Variants in FRRS1 observed in about 807,000 individuals in gnomAD.
The protein encoded by FRRS1 is ferric reductase 1.
In FRRS1, 51 loss-of-function variants were observed where a neutral mutation model predicts 70.7. The observed-to-expected ratio is 0.72, with a 90% confidence interval of 0.58 to 0.91. The LOEUF is 0.91. Ranked by LOEUF, FRRS1 falls within the 40% of genes least tolerant of loss-of-function variation. The pLI, the probability that FRRS1 is intolerant of heterozygous loss-of-function variation, is 0.00. For synonymous variants in FRRS1, 225 were observed against 238.7 expected (o/e 0.94, Z 0.53); for missense variants, 672 against 726.0 (o/e 0.93, Z 0.86).
intron 5 of FRRS1, among the ~76,000 whole-genome samples, chr1:99,741,362 T>C (rs956714590): frequency 6.6e-6 from 1 of 152,242 alleles, no homozygotes; most frequent in African/African-American, 2.4e-5. Context: ...CCATCAGCTT[T>C]CACTGGGGTC....
rs745706486 is a variant in FRRS1 at position 99,704,229 on chromosome 1, A to G, written c.*4799T>C. On this transcript the variant is annotated 3_prime_UTR_variant, in exon 17 of 17. Transcript: ENST00000646001. The stretch of plus-strand genomic sequence containing the variant: ...GAAGATAAGTGACTTACCCAAGGAC[A>G]TGCAGCTTGTAAACCAACAAGCAAA... Among the ~76,000 whole-genome samples, 43 of 152,220 alleles carry G rather than the reference A, an allele frequency of 2.8e-4. No individual in the cohort carries two copies. The highest frequency in any genetic ancestry group is 5.6e-4 in the Non-Finnish European group (38 of 68,040).
At chr1:99,732,069 T>C (rs1655417377) in intron 7 of FRRS1, among the ~76,000 whole-genome samples, 1 of 152,216 alleles carries the variant, frequency 6.6e-6, no homozygotes. Context: ...TAATGGTTGA[T>C]TTGAGGCAAA....
intron 15 of FRRS1, among the ~76,000 whole-genome samples, chr1:99,709,517 T>C (rs1654175839): frequency 6.6e-6 from 1 of 152,214 alleles, no homozygotes; most frequent in African/African-American, 2.4e-5. Flanking sequence ...GTCATAACGA[T>C]CTAAGCTCTT....
At chr1:99,713,542 T>C (rs1408467465) in intron 12 of FRRS1, among the ~76,000 whole-genome samples, 1 of 152,200 alleles carries the variant, frequency 6.6e-6, no homozygotes, top group African/African-American at 2.4e-5. Flanking sequence ...GATTCATCAA[T>C]CTTATCCCTG....
At chr1:99,753,489 C>T (rs767274905) in intron 1 of FRRS1, among the ~76,000 whole-genome samples, 2 of 150,396 alleles carry the variant, frequency 1.3e-5, no homozygotes, top group African/African-American at 2.5e-5. Context: ...TATCCCTGGC[C>T]GGGCGCGGTG....
intron 7 of FRRS1, among the ~76,000 whole-genome samples, chr1:99,731,495 A>G (rs994095177): frequency 2.0e-5 from 3 of 152,222 alleles, no homozygotes; most frequent in Admixed American, 6.5e-5. Flanking sequence ...AGAAATTTGG[A>G]GCAATCATGA....
chr1:99,735,574 T>A (rs1655612055), intron 7 of FRRS1, among the ~76,000 whole-genome samples: 1 of 152,192 alleles, frequency 6.6e-6, no homozygotes. Context: ...TGAGGATGAT[T>A]CATTTCCCCC....
chr1:99,726,902 G>T (rs9988655), intron 9 of FRRS1, among the ~76,000 whole-genome samples: 110 of 152,000 alleles, frequency 7.2e-4, no homozygotes, highest in African/African-American at 2.5e-3. Context: ...TGTTTTTTTT[G>T]AATAGAGACT....
chr1:99,744,660 C>T (rs1656153068), intron 4 of FRRS1, among the ~76,000 whole-genome samples: 1 of 151,974 alleles, frequency 6.6e-6, no homozygotes, highest in Non-Finnish European at 1.5e-5. Context: ...GTGGCACATG[C>T]CTGTAATCCC....
chr1:99,753,083 C>T (rs944543352), intron 1 of FRRS1, among the ~76,000 whole-genome samples: 7 of 150,906 alleles, frequency 4.6e-5, no homozygotes, highest in African/African-American at 1.7e-4. Flanking sequence ...TGTGGTGGCA[C>T]GTGCCTATGA....
Position 99,709,095 on chromosome 1 carries a change from A to G in FRRS1, c.1712T>C (p.Leu571Ser). ...AACATTCCCACAGACATAAATTGCC[A>G]ACACTGCCTTTTTAAAAGCATGACC... is the stretch of plus-strand genomic sequence containing the variant. ...TEGHAFKKAV[L>S]AIYVCGNVTF... Residue 571 changes from leucine (L) to serine (S), a missense_variant, in exon 17 of 17, where the codon TTG (leucine) becomes TCG (serine). Transcript: ENST00000646001. 1 of 1,613,656 alleles carries G rather than the reference A, an allele frequency of 6.2e-7. No homozygotes were observed. Among genetic ancestry groups the G allele is most frequent in the Non-Finnish European group, 8.5e-7 (1 of 1,179,780 alleles).
intron 14 of FRRS1, 39 bp from the exon 15 acceptor site, chr1:99,710,988 C>T: frequency 6.4e-7 from 1 of 1,569,222 alleles, no homozygotes; most frequent in Non-Finnish European, 8.7e-7. Flanking sequence ...AAATGTAGTC[C>T]CACCAAGAGA....
intron 10 of FRRS1, among the ~76,000 whole-genome samples, chr1:99,718,252 A>T (rs372286916): frequency 4.6e-5 from 7 of 152,330 alleles, no homozygotes; most frequent in South Asian, 2.1e-4. Context: ...CATCTTTTTA[A>T]CTATAAGCCA....
At chr1:99,713,456 T>C in intron 12 of FRRS1, among the ~76,000 whole-genome samples, 1 of 152,194 alleles carries the variant, frequency 6.6e-6, no homozygotes, top group East Asian at 1.9e-4. Context: ...ATAACTTCCT[T>C]AAAAAGATAG....
intron 1 of FRRS1, among the ~76,000 whole-genome samples, chr1:99,755,658 A>G (rs777775964): frequency 7.9e-5 from 12 of 152,246 alleles, no homozygotes; most frequent in Non-Finnish European, 2.9e-5. Context: ...ACAGCTGAAC[A>G]GCATCAACCA....
intron 7 of FRRS1, among the ~76,000 whole-genome samples, chr1:99,731,263 C>T (rs1571120619): frequency 6.6e-6 from 1 of 152,144 alleles, no homozygotes; most frequent in Non-Finnish European, 1.5e-5. Context: ...TCTTTATGTG[C>T]TTTAGTCACC....
intron 1 of FRRS1, among the ~76,000 whole-genome samples, chr1:99,752,513 GC>G (rs1300496488): frequency 1.3e-5 from 2 of 152,140 alleles, no homozygotes; most frequent in Non-Finnish European, 2.9e-5. Flanking sequence ...AATTAAGTTT[GC>G]CATCTTATAC....
intron 9 of FRRS1, among the ~76,000 whole-genome samples, chr1:99,726,788 C>A (rs568389791): frequency 1.4e-4 from 22 of 152,228 alleles, no homozygotes; most frequent in Non-Finnish European, 5.9e-5. Flanking sequence ...CTCACTGCAG[C>A]CTCAACCTCC....
At chr1:99,765,311 T>C (rs11166327) in intron 1 of FRRS1, 26,371 of 152,220 alleles carry the variant, frequency 0.17, 3,830 homozygotes, top group African/African-American at 0.39. Context: ...TTTTTAAAAA[T>C]ACAGAAGTGG....
Sources: allele counts gnomAD v4.1 joint callset (sites outside exome capture counted in the v4.1 genomes callset), GRCh38; gene constraint gnomAD v4.1.1; transcripts MANE v1.5; gene names NCBI Gene and HGNC (gene_info 2026-07-23, HGNC 2026-07-21).